The following ATIC variants were observed in gnomAD, a reference collection of about 807,000 sequenced individuals.
ATIC encodes the protein bifunctional purine biosynthesis protein ATIC.
In ATIC, 64 loss-of-function variants were observed where a neutral mutation model predicts 72.5. The ratio of observed to expected loss-of-function variants is 0.88; its 90% CI spans 0.72 to 1.09. The LOEUF is 1.09. Ranked by LOEUF, ATIC falls within the 50% of genes least tolerant of loss-of-function variation. The probability of loss-of-function intolerance (pLI) is 0.00; values close to 1 mark genes in which losing one functional copy is unlikely to be tolerated. For missense variants in ATIC, 787 were observed against 732.4 expected, an observed-to-expected ratio of 1.07 and a Z score of -0.86; for synonymous variants, 281 against 267.1, an observed-to-expected ratio of 1.05 and a Z score of -0.51.
chr2:215,346,731 T>C, intron 13 of ATIC, 28 bp from the exon 14 acceptor site: 1 of 1,611,282 alleles, frequency 6.2e-7, no homozygotes, highest in Non-Finnish European at 8.5e-7. Context: ...TTGGAAGAGG[T>C]GTTCACTTTA....
At chr2:215,333,728 C>T (rs554200930) in intron 9 of ATIC, among the ~76,000 whole-genome samples, 3 of 151,964 alleles carry the variant, frequency 2.0e-5, no homozygotes, top group Non-Finnish European at 4.4e-5. Context: ...CCTCAAAATA[C>T]ATTTCTTTAT....
In ATIC at chr2:215,344,690, A is replaced by C. The variant is rs970483368; in HGVS notation, c.1228-89A>C. 45 of 1,320,218 alleles carry C rather than the reference A, an allele frequency of 3.4e-5. No homozygotes were observed. In the Admixed American group the frequency reaches 4.3e-4, roughly 13 times the overall value. The allele number at this position is 1,320,218 out of a possible 1,614,324, so 81.8% of individuals were successfully genotyped here. A position where few individuals can be genotyped will look rare whatever the true frequency, so the allele number is the denominator to read the frequency against. On this transcript the variant is annotated intron_variant, in intron 12 of 15. Transcript: ENST00000236959. ...CAGAGTGAGACTCTGACTCAAAAAA[A>C]CCACAAAAAATAATATTTAAAAAAA...
Position 215,326,865 on chromosome 2 carries a change from A to G in ATIC, c.575A>G (p.Tyr192Cys). Residue 192 changes from tyrosine (Y) to cysteine (C), a missense_variant, in exon 7 of 16, where the codon TAT becomes TGT. Physicochemically the swap from Tyr to Cys is radical, Grantham distance 194. Coordinates refer to ENST00000236959, the MANE Select transcript of ATIC (RefSeq NM_004044.7). The stretch of plus-strand genomic sequence containing the variant: ...CAATATGATGAAGCAATTTCAGATT[A>G]TTTCAGGAAACAGTACAGCAAAGGC... Reference protein sequence around the residue: ...TAQYDEAISDYFRKQYSKGVS... With the variant: ...TAQYDEAISDCFRKQYSKGVS... The G allele has an allele frequency of 6.2e-7, 1 of 1,614,144 alleles. No homozygotes were observed. Among genetic ancestry groups the G allele is most frequent in the Non-Finnish European group, 8.5e-7 (1 of 1,180,034 alleles).
Position 215,312,586 on chromosome 2 carries a change from G to T in ATIC, c.108G>T (p.Gly36=). The T allele has an allele frequency of 6.2e-7, 1 of 1,614,232 alleles. No individual in the cohort carries two copies. The highest frequency in any genetic ancestry group is 8.5e-7 in the Non-Finnish European group (1 of 1,180,034). The change falls in exon 2 of 16, where the codon GGG becomes GGT. Residue 36 remains glycine (G), a synonymous_variant. Transcript: ENST00000236959. ...GTTTGAATCTGGTCGCTTCCGGAGG[G>T]ACTGCAAAAGCTCTCAGGGATGCTG... The part of the protein sequence containing the change: ...ALGLNLVASG[G]TAKALRDAGL...
intron 12 of ATIC, among the ~76,000 whole-genome samples, chr2:215,339,914 G>A (rs1441159574): frequency 6.6e-6 from 1 of 152,076 alleles, no homozygotes; most frequent in Non-Finnish European, 1.5e-5. Flanking sequence ...GGGGTTACAG[G>A]CGTGAGCCAC....
downstream of ATIC, among the ~76,000 whole-genome samples, chr2:215,351,833 C>CA (rs1413270490): frequency 1.3e-5 from 2 of 152,182 alleles, no homozygotes; most frequent in South Asian, 4.1e-4. Flanking sequence ...AGAAAACTGA[C>CA]ACTTTCTCAG....
chr2:215,332,560 T>G, intron 8 of ATIC, 53 bp downstream of exon 8: 1 of 1,598,220 alleles, frequency 6.3e-7, no homozygotes, highest in Non-Finnish European at 8.5e-7. Context: ...GCATTTCTTC[T>G]TAAATTTTTT....
chr2:215,341,908 C>T (rs2053023348), intron 12 of ATIC, among the ~76,000 whole-genome samples: 1 of 152,110 alleles, frequency 6.6e-6, no homozygotes, highest in African/African-American at 2.4e-5. Flanking sequence ...CACAGTTCCA[C>T]ACGGTTGGGG....
At chr2:215,318,943 C>T (rs1014700104) in intron 3 of ATIC, among the ~76,000 whole-genome samples, 12 of 151,602 alleles carry the variant, frequency 7.9e-5, no homozygotes, top group Non-Finnish European at 1.2e-4. Flanking sequence ...GTGGTGCGAT[C>T]ATGGCTCGCT....
At position 215,336,055 on chromosome 2, in the gene ATIC, C is replaced by G. The variant is rs773142647; in HGVS notation, c.1029C>G (p.Ala343=). 2 of 1,611,272 alleles carry G rather than the reference C, an allele frequency of 1.2e-6. No homozygotes were observed. The highest frequency in any genetic ancestry group is 1.7e-5 in the Admixed American group (1 of 59,936). ...ISREVSDGII[A]PGYEEEALTI... Reference sequence around the variant, plus strand: ...TGCAGGTATCTGATGGTATAATTGCCCCAGGATATGAAGAAGAAGCCTTGA... The same window carrying G: ...TGCAGGTATCTGATGGTATAATTGCGCCAGGATATGAAGAAGAAGCCTTGA... Residue 343 remains alanine (A), a synonymous_variant, in exon 11 of 16, where the codon GCC becomes GCG. Coordinates refer to ENST00000236959, the MANE Select transcript of ATIC (RefSeq NM_004044.7).
At position 215,349,126 on chromosome 2, in the gene ATIC, T is replaced by G. The variant is rs1298146586; in HGVS notation, c.1536T>G (p.Phe512Leu). ...ATTTGATAAAGTGGAAGGCACTGTT[T>G]GAGGAAGTCCCTGAGTTACTCACTG... Reference protein sequence around the residue: ...DEDLIKWKALFEEVPELLTEA... With the variant: ...DEDLIKWKALLEEVPELLTEA... The change falls in exon 15 of 16, where the codon TTT (phenylalanine) becomes TTG (leucine). Residue 512 changes from phenylalanine (F) to leucine (L), a missense_variant. Coordinates refer to ENST00000236959, the MANE Select transcript of ATIC (RefSeq NM_004044.7). 2 of 1,613,976 alleles carry G rather than the reference T, an allele frequency of 1.2e-6. No individual in the cohort carries two copies. The highest frequency in any genetic ancestry group is 1.7e-6 in the Non-Finnish European group (2 of 1,180,016).
chr2:215,346,845 C>T lies in ATIC; in HGVS notation c.1407C>T (p.His469=). 6.2e-7 allele frequency: 1 copy of T among 1,614,180 alleles called. No homozygotes were observed. Among genetic ancestry groups the T allele is most frequent in the Non-Finnish European group, 8.5e-7 (1 of 1,180,036 alleles). The change falls in exon 14 of 16, where the codon CAC becomes CAT. Residue 469 remains histidine (H), a synonymous_variant. Transcript: ENST00000236959. Reference sequence around the variant, plus strand: ...AGGCAAACTATTGGTGGCTTAGACACCATCCACAAGTGCTTTCGATGAAGT... The same window carrying T: ...AGGCAAACTATTGGTGGCTTAGACATCATCCACAAGTGCTTTCGATGAAGT... ...GDKANYWWLR[H]HPQVLSMKFK...
At position 215,346,917 on chromosome 2, in the gene ATIC, A is replaced by G. The variant is rs1006248965; in HGVS notation, c.1479A>G (p.Gln493=). Reference sequence around the variant, plus strand: ...CAGAAATCTCCAATGCCATCGATCAATATGTGACTGGAACCATTGGCGAGG... The same window carrying G: ...CAGAAATCTCCAATGCCATCGATCAGTATGTGACTGGAACCATTGGCGAGG... The part of the protein sequence containing the change: ...KRAEISNAID[Q]YVTGTIGEDE... The change falls in exon 14 of 16, where the codon CAA becomes CAG. Residue 493 remains glutamine, a synonymous_variant. Transcript: ENST00000236959. 10 of 1,614,098 alleles carry G rather than the reference A, an allele frequency of 6.2e-6. No homozygotes were observed. The highest frequency in any genetic ancestry group is 5.3e-5 in the African/African-American group (4 of 74,942).
intron 5 of ATIC, 41 bp downstream of exon 5, chr2:215,325,370 A>T: frequency 3.5e-6 from 5 of 1,445,572 alleles, no homozygotes; most frequent in Non-Finnish European, 4.9e-6. Flanking sequence ...AGAGGAGAGG[A>T]TTATTTAAAT....
chr2:215,344,812 G>T lies in ATIC; in HGVS notation c.1261G>T (p.Ala421Ser), dbSNP rs1289525824. 1 of 1,613,932 alleles carries T rather than the reference G, an allele frequency of 6.2e-7. No homozygotes were observed. Among genetic ancestry groups the T allele is most frequent in the East Asian group, 2.2e-5 (1 of 44,892 alleles). ...GTCTGCCCTCCGAGACCTCATCGTA[G>T]CCACCATTGCTGTCAAGTACACTCA... ...PESALRDLIV[A>S]TIAVKYTQSN... The change falls in exon 13 of 16, where the codon GCC (alanine) becomes TCC (serine). Residue 421 changes from alanine to serine, a missense_variant. By Grantham distance (99) the Ala-to-Ser change is moderately conservative (BLOSUM62 1). Coordinates refer to ENST00000236959, the MANE Select transcript of ATIC (RefSeq NM_004044.7).
chr2:215,365,343 G>GA, the ATIC span, among the ~76,000 whole-genome samples: 2 of 152,138 alleles, frequency 1.3e-5, no homozygotes, highest in Non-Finnish European at 2.9e-5. Flanking sequence ...ACTCATTTTT[G>GA]AAGCTTGTCT....
intron 15 of ATIC, 63 bp from the exon 16 acceptor site, chr2:215,349,473 G>T: frequency 3.1e-6 from 5 of 1,612,140 alleles, no homozygotes; most frequent in Non-Finnish European, 4.2e-6. Context: ...TTTAGAGGGG[G>T]ATTTTGAGTT....
At chr2:215,347,509 T>G (rs1352860253) in intron 14 of ATIC, 1 of 465,972 alleles carries the variant, frequency 2.1e-6, no homozygotes, top group East Asian at 5.1e-5. Flanking sequence ...TAGCCCAGTT[T>G]CTGGACATAT....
chr2:215,360,702 CCAAT>C, the ATIC span: 3 of 152,610 alleles, frequency 2.0e-5, no homozygotes, highest in Admixed American at 6.5e-5. Context: ...GTGACAAAAA[CCAAT>C]CAGTTTTTGT....
Sources: allele counts gnomAD v4.1 joint callset (sites outside exome capture counted in the v4.1 genomes callset), GRCh38; gene constraint gnomAD v4.1.1; transcripts MANE v1.5; gene names NCBI Gene and HGNC (gene_info 2026-07-23, HGNC 2026-07-21).